Variants in NLRP11 observed in about 807,000 individuals in gnomAD.
NLRP11 encodes the protein NACHT, LRR and PYD domains-containing protein 11.
In NLRP11, 53 loss-of-function variants were observed where a neutral mutation model predicts 79.3. That is an observed-to-expected ratio of 0.67 (90% CI 0.54 to 0.84). NLRP11 has a LOEUF of 0.84. Among genes scored for constraint, NLRP11 ranks in the 40% least tolerant of loss-of-function variants. The pLI, the probability that NLRP11 is intolerant of heterozygous loss-of-function variation, is 0.00. For missense variants in NLRP11, 1,264 were observed against 1,255.0 expected (o/e 1.01, Z -0.11); for synonymous variants, 518 against 462.6 (o/e 1.12, Z -1.54).
chr19:55,808,934 T>C (rs148285592), exon 3 of NLRP11: 1 of 1,614,164 alleles, frequency 6.2e-7, no homozygotes, highest in Non-Finnish European at 8.5e-7. Flanking sequence ...CACAATCGTC[T>C]TCACAAATTC....
intron 4 of NLRP11, among the ~76,000 whole-genome samples, chr19:55,807,184 T>C (rs1469013525): frequency 6.6e-6 from 1 of 152,210 alleles, no homozygotes; most frequent in Non-Finnish European, 1.5e-5. Context: ...TAGGCATTCT[T>C]CTTGAATGAA....
At chr19:55,793,554 TC>T (rs757728757) in intron 6 of NLRP11, among the ~76,000 whole-genome samples, 3 of 30,622 alleles carry the variant, frequency 9.8e-5, no homozygotes, top group Non-Finnish European at 1.1e-4. Context: ...GGTGACTGTC[TC>T]CAAAAAAAAA....
At chr19:55,798,312 G>T (rs1354387353) in intron 5 of NLRP11, 2 of 984,754 alleles carry the variant, frequency 2.0e-6, no homozygotes, top group Non-Finnish European at 2.4e-6. Context: ...ATTCTATTTG[G>T]AATGAAAGTG....
chr19:55,835,377 C>T (rs190455625), upstream of NLRP11, among the ~76,000 whole-genome samples: 12 of 152,376 alleles, frequency 7.9e-5, no homozygotes, highest in East Asian at 1.5e-3. Context: ...GTTCTGCCTA[C>T]GCAGAAAGAC....
intron 1 of NLRP11, among the ~76,000 whole-genome samples, chr19:55,821,966 T>C (rs1209716975): frequency 1.3e-5 from 2 of 152,204 alleles, no homozygotes; most frequent in East Asian, 1.9e-4. Flanking sequence ...GTTAACAAGA[T>C]TGCCTTAGTC....
chr19:55,810,091 A>G, exon 3 of NLRP11: 1 of 1,614,118 alleles, frequency 6.2e-7, no homozygotes, highest in Non-Finnish European at 8.5e-7. Flanking sequence ...GCCACATCTC[A>G]CCCTTGATCC....
intron 5 of NLRP11, among the ~76,000 whole-genome samples, chr19:55,800,144 G>C (rs751255994): frequency 1.3e-5 from 2 of 152,176 alleles, no homozygotes; most frequent in Non-Finnish European, 2.9e-5. Context: ...ACTTGAAATT[G>C]AGAGTACAAG....
At chr19:55,819,105 A>G (rs1981423480) in intron 1 of NLRP11, among the ~76,000 whole-genome samples, 1 of 140,400 alleles carries the variant, frequency 7.1e-6, no homozygotes, top group Non-Finnish European at 1.5e-5. Flanking sequence ...CTTCCTCCCC[A>G]CTGTACTGAG....
At chr19:55,800,027 G>A (rs1047413297) in intron 5 of NLRP11, among the ~76,000 whole-genome samples, 1 of 152,206 alleles carries the variant, frequency 6.6e-6, no homozygotes, top group Non-Finnish European at 1.5e-5. Flanking sequence ...AGGGTGGGAA[G>A]CTGCTGCTCA....
Position 55,809,447 on chromosome 19 carries a change from T to C in NLRP11, c.1163A>G (p.Gln388Arg), listed in dbSNP as rs111287552. The C allele has an allele frequency of 2.7e-3, 4,366 of 1,614,190 alleles. 6 individuals carry two copies. The highest frequency in any genetic ancestry group is 3.4e-3 in the Non-Finnish European group (4,034 of 1,180,028). ...ACGTTTTAGGAGACCTAGGTGATACTGATTGGCAGTAAGTCCAGCCTCTGA... is the reference window on the plus strand; with the variant it reads ...ACGTTTTAGGAGACCTAGGTGATACCGATTGGCAGTAAGTCCAGCCTCTGA... The change falls in exon 3 of 10, where the codon CAG (glutamine) becomes CGG (arginine). Residue 388 changes from glutamine (Q) to arginine (R), a missense_variant. Physicochemically the swap from Gln to Arg is conservative, Grantham distance 43 (BLOSUM62 1). Transcript: ENST00000589093. This position sits in a 1 kb window ranked among gnomAD's most constrained non-coding sequence, Gnocchi z 4.5.
intron 1 of NLRP11, among the ~76,000 whole-genome samples, chr19:55,821,744 G>C (rs1472048653): frequency 6.8e-6 from 1 of 146,680 alleles, no homozygotes; most frequent in African/African-American, 2.6e-5. Context: ...TGTTAGTGAT[G>C]GGAGAACCCA....
rs926768211 is a variant in NLRP11, at chr19:55,813,068, C to T, written c.272-2730G>A. On this transcript the variant is annotated intron_variant, in intron 2 of 9. Transcript: ENST00000589093. ...GGTGGCCAGGCACAGCGACTCACACCTGTAATCACAGCACTTTGGGAGGCG... is the reference window on the plus strand; with the variant it reads ...GGTGGCCAGGCACAGCGACTCACACTTGTAATCACAGCACTTTGGGAGGCG... 5.3e-5 allele frequency among the ~76,000 whole-genome samples: 8 copies of T among 152,168 alleles called. No individual in the cohort carries two copies. In the East Asian group the frequency reaches 1.5e-3, roughly 29 times the overall value.
chr19:55,831,652 G>A (rs1302940346), intron 1 of NLRP11, among the ~76,000 whole-genome samples: 1 of 151,832 alleles, frequency 6.6e-6, no homozygotes, highest in African/African-American at 2.4e-5. Context: ...ATGATGACGA[G>A]TTAGTTAGGT....
chr19:55,827,926 A>T lies in NLRP11; in HGVS notation c.-63+4037T>A, dbSNP rs1982387730. On this transcript the variant is annotated intron_variant, in intron 1 of 9. Transcript: ENST00000589093. Reference sequence around the variant, plus strand: ...CCATCCCATTACTGGGTATATACCCAAATGACTATAAATCATGCTGCTATA... The same window carrying T: ...CCATCCCATTACTGGGTATATACCCTAATGACTATAAATCATGCTGCTATA... 3.3e-5 allele frequency among the ~76,000 whole-genome samples: 5 copies of T among 152,064 alleles called. No homozygotes were observed. The South Asian group carries it at 1.0e-3, about 32-fold the overall frequency.
At chr19:55,789,674 C>T (rs761998944) in intron 7 of NLRP11, among the ~76,000 whole-genome samples, 1 of 152,114 alleles carries the variant, frequency 6.6e-6, no homozygotes, top group Non-Finnish European at 1.5e-5. Context: ...CATTTTTGTC[C>T]CGGGAAGCCA....
At chr19:55,795,635 A>G (rs959078447) in intron 6 of NLRP11, among the ~76,000 whole-genome samples, 5 of 151,970 alleles carry the variant, frequency 3.3e-5, no homozygotes, top group African/African-American at 1.2e-4. Flanking sequence ...GACTACAGGT[A>G]CCCGCCACCA....
chr19:55,801,544 C>T lies in NLRP11; in HGVS notation c.2171+28G>A, dbSNP rs200124966. 98 of 1,607,276 alleles carry T rather than the reference C, an allele frequency of 6.1e-5. No homozygotes were observed. The African/African-American group carries it at 1.0e-3, about 17-fold the overall frequency. ...CACCCAGGCATTCCCCTCACATGCA[C>T]TGAGCTTTCAGCCGAGCAACAACTC... On this transcript the variant is annotated intron_variant, in intron 5 of 9. Coordinates refer to ENST00000589093, the Ensembl canonical transcript of NLRP11.
At chr19:55,819,577 T>C (rs924287512) in intron 1 of NLRP11, among the ~76,000 whole-genome samples, 3 of 152,114 alleles carry the variant, frequency 2.0e-5, no homozygotes, top group Admixed American at 1.3e-4. Context: ...TGATCAGATA[T>C]GAGTGGATGT....
exon 7 of NLRP11, chr19:55,792,448 T>C: frequency 6.2e-7 from 1 of 1,614,106 alleles, no homozygotes; most frequent in Non-Finnish European, 8.5e-7. Flanking sequence ...GCAGCAATTT[T>C]CAGTGAGACA....
Sources: allele counts gnomAD v4.1 joint callset (sites outside exome capture counted in the v4.1 genomes callset), GRCh38; gene constraint gnomAD v4.1.1; non-coding constraint Gnocchi (gnomAD v3.1); transcripts MANE v1.5; gene names NCBI Gene and HGNC (gene_info 2026-07-23, HGNC 2026-07-21).